GARIN1B: variants seen among roughly 807,000 people sequenced by gnomAD.
GARIN1B encodes Golgi-associated RAB2 interactor protein 1B.
the GARIN1B span, among the ~76,000 whole-genome samples, chr7:128,709,750 C>CTCTCTGTCTT: frequency 1.4e-4 from 16 of 114,616 alleles, no homozygotes; most frequent in South Asian, 2.8e-4. Flanking sequence ...CTCTCTCTCT[C>CTCTCTGTCTT]TTTTTTTTTT....
the GARIN1B span, chr7:128,714,230 C>G: frequency 8.2e-7 from 1 of 1,222,756 alleles, no homozygotes; most frequent in South Asian, 1.3e-5. Flanking sequence ...GATTGTCAAA[C>G]TCTGTCTATA....
chr7:128,715,296 C>A, the GARIN1B span: 2 of 1,459,740 alleles, frequency 1.4e-6, no homozygotes, highest in South Asian at 2.9e-5. Flanking sequence ...CCCCTTCCTG[C>A]AGGTCTGTCC....
chr7:128,709,283 G>T, the GARIN1B span: 2 of 152,174 alleles, frequency 1.3e-5, no homozygotes, highest in Non-Finnish European at 2.9e-5. Flanking sequence ...ATCTTAAGTA[G>T]TACAGCTTCA....
the GARIN1B span, chr7:128,714,232 C>A: frequency 8.3e-7 from 1 of 1,201,206 alleles, no homozygotes; most frequent in Non-Finnish European, 1.2e-6. Context: ...TTGTCAAACT[C>A]TGTCTATATG....
At chr7:128,710,359 T>C in the GARIN1B span, among the ~76,000 whole-genome samples, 7 of 152,226 alleles carry the variant, frequency 4.6e-5, no homozygotes, top group Non-Finnish European at 8.8e-5. Flanking sequence ...AAATCAGGAC[T>C]TTTTTTGGTT....
At chr7:128,716,347 G>A in the GARIN1B span, among the ~76,000 whole-genome samples, 1 of 152,100 alleles carries the variant, frequency 6.6e-6, no homozygotes, top group Non-Finnish European at 1.5e-5. Flanking sequence ...GGAGATAATA[G>A]GGCACCTCGG....
the GARIN1B span, chr7:128,730,966 C>T: frequency 1.2e-6 from 1 of 852,190 alleles, no homozygotes; most frequent in Non-Finnish European, 2.0e-6. Context: ...GCCCGGCCAC[C>T]ACCAACCCTT....
the GARIN1B span, chr7:128,723,472 G>C: frequency 1.2e-6 from 1 of 848,128 alleles, no homozygotes; most frequent in Non-Finnish European, 1.7e-6. Flanking sequence ...CGGCACTTTG[G>C]GAGGTCAAGG....
chr7:128,709,750 C>CTTTCTT, the GARIN1B span, among the ~76,000 whole-genome samples: 3 of 114,614 alleles, frequency 2.6e-5, no homozygotes, highest in South Asian at 2.8e-4. Flanking sequence ...CTCTCTCTCT[C>CTTTCTT]TTTTTTTTTT....
chr7:128,715,540 G>A, the GARIN1B span: 2 of 1,614,126 alleles, frequency 1.2e-6, no homozygotes, highest in East Asian at 2.2e-5. Flanking sequence ...TGAATGCCTG[G>A]GAAGAATTCA....
the GARIN1B span, among the ~76,000 whole-genome samples, chr7:128,710,308 G>A: frequency 6.6e-6 from 1 of 152,190 alleles, no homozygotes; most frequent in Non-Finnish European, 1.5e-5. Flanking sequence ...TGGCTTCTTT[G>A]CTCACTTTAC....
At chr7:128,727,153 C>A in the GARIN1B span, among the ~76,000 whole-genome samples, 1 of 152,226 alleles carries the variant, frequency 6.6e-6, no homozygotes, top group Non-Finnish European at 1.5e-5. Context: ...AAGCCTGTAG[C>A]ACTCTTCCAT....
the GARIN1B span, among the ~76,000 whole-genome samples, chr7:128,725,673 A>G: frequency 1.3e-5 from 2 of 152,172 alleles, no homozygotes; most frequent in Non-Finnish European, 2.9e-5. Flanking sequence ...TGTCTGCTCA[A>G]ATCACTGATT....
At chr7:128,714,236 C>G in the GARIN1B span, 2 of 1,171,812 alleles carry the variant, frequency 1.7e-6, no homozygotes. Context: ...CAAACTCTGT[C>G]TATATGTGTT....
the GARIN1B span, among the ~76,000 whole-genome samples, chr7:128,713,402 T>C: frequency 6.6e-6 from 1 of 152,188 alleles, no homozygotes; most frequent in Non-Finnish European, 1.5e-5. Context: ...AGATTCAATA[T>C]GCTTGTTTTT....
chr7:128,715,663 C>T, the GARIN1B span: 355 of 1,614,058 alleles, frequency 2.2e-4, no homozygotes, highest in African/African-American at 7.6e-4. Context: ...TTCTTGACTC[C>T]GTGGTGTTTG....
the GARIN1B span, among the ~76,000 whole-genome samples, chr7:128,719,880 A>G: frequency 6.6e-6 from 1 of 151,134 alleles, no homozygotes; most frequent in Non-Finnish European, 1.5e-5. Flanking sequence ...TTGTATTTTT[A>G]GTAGAGATGG....
At chr7:128,726,317 T>G in the GARIN1B span, among the ~76,000 whole-genome samples, 1 of 152,126 alleles carries the variant, frequency 6.6e-6, no homozygotes, top group Non-Finnish European at 1.5e-5. Context: ...ATCGGAAGGA[T>G]GTAAGAAATG....
chr7:128,731,217 C>T, the GARIN1B span: 3 of 1,105,046 alleles, frequency 2.7e-6, no homozygotes, highest in African/African-American at 3.1e-5. Context: ...GAGAAAACTG[C>T]AACCAAGGAA....
Sources: allele counts gnomAD v4.1 joint callset (sites outside exome capture counted in the v4.1 genomes callset), GRCh38; gene constraint gnomAD v4.1.1; transcripts MANE v1.5; gene names NCBI Gene and HGNC (gene_info 2026-07-23, HGNC 2026-07-21).